PPFIBP1: variants seen among roughly 807,000 people sequenced by gnomAD.
PPFIBP1 encodes the protein liprin-beta-1.
PPFIBP1 carries 112 observed loss-of-function variants against 137.8 expected under a neutral mutation model. The ratio of observed to expected loss-of-function variants is 0.81; its 90% confidence interval spans 0.70 to 0.95. The LOEUF (loss-of-function observed/expected upper bound fraction) is 0.95, where lower values mean the gene tolerates loss of function less well. Among genes scored for constraint, PPFIBP1 ranks in the 40% least tolerant of loss-of-function variants. The probability of loss-of-function intolerance (pLI) is 0.00; values close to 1 mark genes in which losing one functional copy is unlikely to be tolerated. For synonymous variants in PPFIBP1, 378 were observed against 417.3 expected (o/e 0.91, Z 1.15); for missense variants, 1,083 against 1,196.6 (o/e 0.91, Z 1.40).
At position 27,688,345 on chromosome 12, in the gene PPFIBP1, G is replaced by A. The variant is rs957627188; in HGVS notation, c.2418G>A (p.Val806=). 7 of 1,614,166 alleles carry A rather than the reference G, an allele frequency of 4.3e-6. No homozygotes were observed. Among genetic ancestry groups the A allele is most frequent in the Non-Finnish European group, 5.9e-6 (7 of 1,179,994 alleles). Residue 806 remains valine (V), a synonymous_variant, in exon 26 of 30, where the codon GTG becomes GTA. Transcript: ENST00000228425. ...SEVQKWTNHR[V]MEWLRSVDLA... ...TTCAGAAGTGGACTAACCATCGAGT[G>A]ATGGAGTGGCTGCGCTCCGTGGACT...
Position 27,689,189 on chromosome 12 carries a change from A to G in PPFIBP1, c.2671A>G (p.Thr891Ala). 1 of 1,568,556 alleles carries G rather than the reference A, an allele frequency of 6.4e-7. No individual in the cohort carries two copies. The highest frequency in any genetic ancestry group is 2.1e-5 in the Admixed American group (1 of 48,418). The change falls in exon 27 of 30, where the codon ACT becomes GCT. Residue 891 changes from threonine (T) to alanine (A), a missense_variant. Coordinates refer to ENST00000228425, the MANE Select transcript of PPFIBP1 (RefSeq NM_003622.4). ...GCCGGATTATGTACTTCTAACAGCT[A>G]CTGCCAAAGTGAAGGTTGGTTCAGG... is the stretch of plus-strand genomic sequence containing the variant. ...ELPDYVLLTA[T>A]AKVKPKKLAF...
chr12:27,666,841 G>A (rs1183254963), intron 12 of PPFIBP1, among the ~76,000 whole-genome samples: 2 of 152,102 alleles, frequency 1.3e-5, no homozygotes, highest in East Asian at 3.8e-4. Context: ...GTAAGCCCCT[G>A]ATTTTAAAAC....
In PPFIBP1 at chr12:27,658,897, A is replaced by G. The variant is rs199832697; in HGVS notation, c.844+49A>G. ...AGCCTTTACATTCACCAAAAATACTACCTTGGACTGTTCTTTGCATGTGTT... is the reference window on the plus strand; with the variant it reads ...AGCCTTTACATTCACCAAAAATACTGCCTTGGACTGTTCTTTGCATGTGTT... On this transcript the variant is annotated intron_variant, in intron 10 of 29. Transcript: ENST00000228425. 5.6e-4 allele frequency: 864 copies of G among 1,536,506 alleles called. 2 individuals are homozygous for G. The highest frequency in any genetic ancestry group is 1.3e-3 in the Admixed American group (69 of 53,594).
At chr12:27,549,983 G>T (rs1946606269) in intron 1 of PPFIBP1, among the ~76,000 whole-genome samples, 1 of 152,248 alleles carries the variant, frequency 6.6e-6, no homozygotes, top group Non-Finnish European at 1.5e-5. Flanking sequence ...CACAGGCTTT[G>T]AAGCCAGGCA....
chr12:27,682,803 CAG>C, intron 24 of PPFIBP1, 100 bp downstream of exon 24: 2 of 1,568,260 alleles, frequency 1.3e-6, no homozygotes, highest in Non-Finnish European at 1.7e-6. Flanking sequence ...GTGATTCCAC[CAG>C]AGTTTGAAGC....
intron 8 of PPFIBP1, among the ~76,000 whole-genome samples, chr12:27,656,018 G>C (rs1171565130): frequency 1.3e-5 from 2 of 152,198 alleles, no homozygotes; most frequent in Admixed American, 6.5e-5. Flanking sequence ...ATTAAAAGAG[G>C]GCTCCACTAT....
At chr12:27,621,929 A>T (rs1487500822) in intron 2 of PPFIBP1, among the ~76,000 whole-genome samples, 1 of 152,112 alleles carries the variant, frequency 6.6e-6, no homozygotes, top group Admixed American at 6.5e-5. Flanking sequence ...CTGAAATTAG[A>T]CTCATTTTGC....
intron 2 of PPFIBP1, among the ~76,000 whole-genome samples, chr12:27,590,264 C>T (rs778548766): frequency 6.6e-6 from 1 of 152,128 alleles, no homozygotes; most frequent in African/African-American, 2.4e-5. Context: ...CACCCTCTGC[C>T]TCCTGGGTCC....
At chr12:27,674,729 A>G (rs2060396455) in intron 17 of PPFIBP1, among the ~76,000 whole-genome samples, 2 of 151,678 alleles carry the variant, frequency 1.3e-5, no homozygotes, top group East Asian at 3.9e-4. Context: ...CCATTAGATT[A>G]TACACCCGGT....
At chr12:27,670,788 A>ATAATAATAATAATAATAATAAT (rs57738136) in intron 13 of PPFIBP1, among the ~76,000 whole-genome samples, 1 of 134,286 alleles carries the variant, frequency 7.4e-6, no homozygotes, top group African/African-American at 2.7e-5. Context: ...CAAAAAAAAA[A>ATAATAATAATAATAATAATAAT]AAAAAAAATA....
At chr12:27,550,991 A>ATATATTTTTT (rs375148048) in intron 1 of PPFIBP1, among the ~76,000 whole-genome samples, 2 of 136,712 alleles carry the variant, frequency 1.5e-5, no homozygotes, top group African/African-American at 5.6e-5. Flanking sequence ...ATATATATAT[A>ATATATTTTTT]TTTTTTTTTT....
chr12:27,574,588 A>G (rs942401527), intron 1 of PPFIBP1, among the ~76,000 whole-genome samples: 4 of 152,202 alleles, frequency 2.6e-5, no homozygotes, highest in African/African-American at 9.6e-5. Flanking sequence ...GTATAGTCTT[A>G]TTTTTGGTAT....
At chr12:27,562,039 C>T (rs2049209609) in intron 1 of PPFIBP1, among the ~76,000 whole-genome samples, 1 of 152,066 alleles carries the variant, frequency 6.6e-6, no homozygotes, top group Admixed American at 6.6e-5. Flanking sequence ...CAGAGTGGTA[C>T]CCTGTCTTAA....
At chr12:27,600,576 A>G (rs1371235700) in intron 2 of PPFIBP1, among the ~76,000 whole-genome samples, 1 of 151,942 alleles carries the variant, frequency 6.6e-6, no homozygotes, top group Admixed American at 6.6e-5. Context: ...AAAAACATAG[A>G]TAAAACTTAA....
chr12:27,585,236 G>A (rs1245786991), intron 2 of PPFIBP1, among the ~76,000 whole-genome samples: 4 of 152,180 alleles, frequency 2.6e-5, no homozygotes, highest in Non-Finnish European at 5.9e-5. Flanking sequence ...TTAAAACAGA[G>A]GTGACTTTGT....
intron 2 of PPFIBP1, among the ~76,000 whole-genome samples, chr12:27,614,709 T>C (rs771527039): frequency 5.9e-5 from 9 of 152,160 alleles, no homozygotes; most frequent in Non-Finnish European, 8.8e-5. Context: ...CAGCCTGCAA[T>C]GCAATAGAGC....
At chr12:27,548,457 T>A (rs1403363614) in intron 1 of PPFIBP1, 2 of 152,188 alleles carry the variant, frequency 1.3e-5, no homozygotes, top group African/African-American at 4.8e-5. Flanking sequence ...GTCAATATGC[T>A]TTGGCGGGGG....
At position 27,692,813 on chromosome 12, in the gene PPFIBP1, T is replaced by C. The variant is rs748566094; in HGVS notation, c.2949T>C (p.Asp983=). The C allele has an allele frequency of 6.2e-7, 1 of 1,614,118 alleles. No individual in the cohort carries two copies. Among genetic ancestry groups the C allele is most frequent in the Non-Finnish European group, 8.5e-7 (1 of 1,180,010 alleles). The change falls in exon 30 of 30, where the codon GAT becomes GAC. Residue 983 remains aspartate, a synonymous_variant. Coordinates refer to ENST00000228425, the MANE Select transcript of PPFIBP1 (RefSeq NM_003622.4). ...INNLTHMLKE[D]DMFKDFAARS... is the part of the protein sequence containing the mutation. ...TTTTCCAGCACATGTTAAAAGAAGA[T>C]GACATGTTTAAAGATTTTGCTGCCC... is the stretch of plus-strand genomic sequence containing the variant.
chr12:27,680,013 C>CCGG lies in PPFIBP1; in HGVS notation c.1849_1850insGCG (p.Thr616_Ala617insGly), dbSNP rs1337816026. On this transcript the variant is annotated inframe_insertion, in exon 21 of 30. Transcript: ENST00000228425. ...TTCAAAAGAGGAGGGACAAGGGCAA[C>CCGG]CGCGGGGCCCCGATTAGGTTGGTCT... 6.2e-7 allele frequency: 1 copy of CCGG among 1,614,026 alleles called. No homozygotes were observed. The highest frequency in any genetic ancestry group is 8.5e-7 in the Non-Finnish European group (1 of 1,179,966).
Sources: allele counts gnomAD v4.1 joint callset (sites outside exome capture counted in the v4.1 genomes callset), GRCh38; gene constraint gnomAD v4.1.1; transcripts MANE v1.5; gene names NCBI Gene and HGNC (gene_info 2026-07-23, HGNC 2026-07-21).